Variants in CNBD1 observed in about 807,000 individuals in gnomAD.
CNBD1 encodes cyclic nucleotide-binding domain-containing protein 1.
Under a neutral mutation model 54.4 loss-of-function variants are expected in CNBD1, and 71 were observed. That is an observed-to-expected ratio of 1.30 (90% confidence interval 1.08 to 1.59). The LOEUF (loss-of-function observed/expected upper bound fraction) is 1.59. Ranked by LOEUF, CNBD1 falls within the 40% of genes most tolerant of loss-of-function variation. CNBD1 has a pLI of 0.00. For missense variants in CNBD1, 659 were observed against 518.0 expected, an observed-to-expected ratio of 1.27 and a Z score of -2.64; for synonymous variants, 182 against 170.7, an observed-to-expected ratio of 1.07 and a Z score of -0.51.
At chr8:87,260,468 A>T (rs1482015729) in intron 6 of CNBD1, among the ~76,000 whole-genome samples, 6 of 152,294 alleles carry the variant, frequency 3.9e-5, no homozygotes, top group African/African-American at 7.2e-5. Flanking sequence ...TCATAGCACA[A>T]AATGCACCAG....
At chr8:87,279,620 A>C (rs1233063100) in intron 6 of CNBD1, among the ~76,000 whole-genome samples, 2 of 151,412 alleles carry the variant, frequency 1.3e-5, no homozygotes, top group Non-Finnish European at 3.0e-5. Flanking sequence ...CATTAAAAAT[A>C]AAGATATTTC....
chr8:86,924,402 G>A (rs1809324850), intron 3 of CNBD1, among the ~76,000 whole-genome samples: 1 of 152,116 alleles, frequency 6.6e-6, no homozygotes, highest in African/African-American at 2.4e-5. Flanking sequence ...CAAGATGAGG[G>A]TGTAGGAACT....
chr8:87,398,784 C>T (rs565024311), intron 2 of CNBD1, among the ~76,000 whole-genome samples: 1 of 152,068 alleles, frequency 6.6e-6, no homozygotes, highest in South Asian at 2.1e-4. Context: ...CTTAAGGCTT[C>T]TACATGCCAT....
intron 8 of CNBD1, among the ~76,000 whole-genome samples, chr8:87,326,826 G>C (rs1289609499): frequency 9.0e-6 from 1 of 111,096 alleles, no homozygotes; most frequent in African/African-American, 3.3e-5. Context: ...TCTCCATCCA[G>C]CTTTGTTCCG....
At chr8:87,022,646 C>T (rs11993907) in intron 4 of CNBD1, among the ~76,000 whole-genome samples, 10 of 152,058 alleles carry the variant, frequency 6.6e-5, no homozygotes, top group South Asian at 2.1e-4. Flanking sequence ...TTTCCAATTG[C>T]GTACACATTT....
At chr8:87,349,184 C>T (rs528334997) in intron 8 of CNBD1, among the ~76,000 whole-genome samples, 45 of 151,958 alleles carry the variant, frequency 3.0e-4, no homozygotes, top group African/African-American at 1.0e-3. Flanking sequence ...TTGTCATTTT[C>T]TATATAAGGG....
At chr8:86,879,606 T>G (rs1015458655) in intron 1 of CNBD1, among the ~76,000 whole-genome samples, 4 of 152,206 alleles carry the variant, frequency 2.6e-5, no homozygotes, top group African/African-American at 7.2e-5. Flanking sequence ...GTGCTGTGGC[T>G]CATGCCTGTA....
chr8:87,217,393 T>C (rs1391211400), intron 5 of CNBD1, among the ~76,000 whole-genome samples: 1 of 151,982 alleles, frequency 6.6e-6, no homozygotes, highest in Admixed American at 6.6e-5. Flanking sequence ...TTTAGTAAAA[T>C]TGACACATTT....
At chr8:87,197,358 T>C (rs1294504332) in intron 4 of CNBD1, among the ~76,000 whole-genome samples, 3 of 152,208 alleles carry the variant, frequency 2.0e-5, no homozygotes, top group African/African-American at 4.8e-5. Context: ...CAATTTTTCA[T>C]ACCTGAATGT....
chr8:87,344,408 A>G, intron 8 of CNBD1, among the ~76,000 whole-genome samples: 1 of 152,256 alleles, frequency 6.6e-6, no homozygotes, highest in Non-Finnish European at 1.5e-5. Flanking sequence ...AATGGATTTT[A>G]TCATATCATT....
chr8:87,427,123 A>G (rs1201969606), intron 2 of CNBD1, among the ~76,000 whole-genome samples: 1 of 152,092 alleles, frequency 6.6e-6, no homozygotes, highest in South Asian at 2.1e-4. Context: ...CCCCCTGTAA[A>G]GAGCTAGCAT....
intron 8 of CNBD1, among the ~76,000 whole-genome samples, chr8:87,345,247 A>G (rs1421565102): frequency 6.6e-6 from 1 of 152,226 alleles, no homozygotes; most frequent in African/African-American, 2.4e-5. Context: ...TTTAGATTCA[A>G]CATAGTGCTA....
At chr8:87,140,415 A>T (rs973519866) in intron 4 of CNBD1, among the ~76,000 whole-genome samples, 6 of 152,168 alleles carry the variant, frequency 3.9e-5, no homozygotes, top group Non-Finnish European at 7.4e-5. Context: ...AAGAATTGAT[A>T]CTTCCTCAAA....
intron 4 of CNBD1, among the ~76,000 whole-genome samples, chr8:86,995,755 TAAA>T (rs1357676049): frequency 2.4e-4 from 37 of 151,914 alleles, no homozygotes; most frequent in Non-Finnish European, 5.9e-5. Flanking sequence ...AATGGAATGA[TAAA>T]AATGAAACTG....
At chr8:87,074,855 A>C (rs921063266) in intron 4 of CNBD1, among the ~76,000 whole-genome samples, 2 of 152,206 alleles carry the variant, frequency 1.3e-5, no homozygotes, top group Admixed American at 6.5e-5. Flanking sequence ...CCACAGACTG[A>C]AGCTGCTTCT....
intron 3 of CNBD1, among the ~76,000 whole-genome samples, chr8:86,923,162 G>A (rs1156871377): frequency 1.3e-5 from 2 of 152,184 alleles, no homozygotes; most frequent in Non-Finnish European, 2.9e-5. Context: ...CCACAGGGTG[G>A]GAGTGGACCC....
At chr8:86,887,734 A>G in intron 2 of CNBD1, 123 bp downstream of exon 2, 2 of 634,962 alleles carry the variant, frequency 3.1e-6, no homozygotes, top group Non-Finnish European at 5.3e-6. Context: ...TCACACAGAT[A>G]AAAACAGTTG....
chr8:86,881,598 C>A (rs1808607250), intron 1 of CNBD1, among the ~76,000 whole-genome samples: 1 of 152,144 alleles, frequency 6.6e-6, no homozygotes, highest in Admixed American at 6.5e-5. Context: ...CTGCCCAAAG[C>A]AATTTATAGA....
chr8:87,348,073 T>C (rs1269386766), intron 8 of CNBD1, among the ~76,000 whole-genome samples: 1 of 152,182 alleles, frequency 6.6e-6, no homozygotes, highest in Non-Finnish European at 1.5e-5. Flanking sequence ...TTTTTTCTTA[T>C]GCCAAGTGAC....
Sources: gnomAD v4.1 joint callset for allele counts (sites outside exome capture counted in the v4.1 genomes callset) on GRCh38, gnomAD v4.1.1 for gene constraint, MANE v1.5 for transcripts, NCBI Gene and HGNC (gene_info 2026-07-23, HGNC 2026-07-21) for gene names.